The following ADGRV1 variants were observed in gnomAD, a reference collection of about 807,000 sequenced individuals.
ADGRV1 encodes adhesion G protein-coupled receptor V1.
ADGRV1 carries 359 observed loss-of-function variants against 596.2 expected under a neutral mutation model. The ratio of observed to expected loss-of-function variants is 0.60; its 90% CI spans 0.55 to 0.66. The LOEUF is 0.66. Ranked by LOEUF, ADGRV1 falls within the 30% of genes least tolerant of loss-of-function variation. The pLI, the probability that ADGRV1 is intolerant of heterozygous loss-of-function variation, is 0.00. For missense variants in ADGRV1, 7,274 were observed against 7,575.6 expected, an observed-to-expected ratio of 0.96 and a Z score of 1.48; for synonymous variants, 2,681 against 2,679.2, an observed-to-expected ratio of 1.00 and a Z score of -0.02.
chr5:91,046,973 C>G (rs186535806), intron 85 of ADGRV1, among the ~76,000 whole-genome samples: 4 of 152,156 alleles, frequency 2.6e-5, no homozygotes, highest in African/African-American at 9.7e-5. Flanking sequence ...GCAATACCAC[C>G]TTACTCCTAG....
chr5:90,885,722 G>A (rs1178564774), intron 83 of ADGRV1, among the ~76,000 whole-genome samples: 1 of 152,074 alleles, frequency 6.6e-6, no homozygotes, highest in Non-Finnish European at 1.5e-5. Context: ...CCAGGAGAGG[G>A]GTTGGAAACA....
intron 83 of ADGRV1, among the ~76,000 whole-genome samples, chr5:90,933,916 G>T (rs1038356412): frequency 6.6e-6 from 1 of 152,332 alleles, no homozygotes. Context: ...TTCTGTGGCT[G>T]CACGTAGGCC....
intron 21 of ADGRV1, among the ~76,000 whole-genome samples, chr5:90,668,617 G>C (rs577610811): frequency 6.6e-6 from 1 of 151,950 alleles, no homozygotes; most frequent in South Asian, 2.1e-4. Context: ...GTTCCTATTC[G>C]TCCATCTTGG....
At chr5:90,915,809 C>G (rs1250694280) in intron 83 of ADGRV1, among the ~76,000 whole-genome samples, 1 of 152,166 alleles carries the variant, frequency 6.6e-6, no homozygotes, top group East Asian at 1.9e-4. Flanking sequence ...TTGATTTTAA[C>G]TGTAAAAATG....
intron 89 of ADGRV1, 89 bp from the exon 90 acceptor site, chr5:91,163,693 A>T: frequency 1.8e-6 from 1 of 567,770 alleles, no homozygotes; most frequent in South Asian, 2.8e-5. Context: ...TAATAGAAAT[A>T]AACAGGCTTG....
intron 88 of ADGRV1, among the ~76,000 whole-genome samples, chr5:91,151,934 G>A (rs919950278): frequency 5.3e-5 from 8 of 152,236 alleles, no homozygotes; most frequent in Admixed American, 3.3e-4. Flanking sequence ...TTCTCAGATC[G>A]CCATTTTCAG....
Position 90,783,119 on chromosome 5 carries a change from T to A in ADGRV1, c.13232-5T>A. 1 of 1,612,056 alleles carries A rather than the reference T, an allele frequency of 6.2e-7. No homozygotes were observed. The highest frequency in any genetic ancestry group is 8.5e-7 in the Non-Finnish European group (1 of 1,178,246). On this transcript the variant is annotated splice_polypyrimidine_tract_variant and splice_region_variant and intron_variant, in intron 65 of 89. Coordinates refer to ENST00000405460, the MANE Select transcript of ADGRV1 (RefSeq NM_032119.4). ...TTACCAATTAATTCCAAGTTCCCAT[T>A]ACAGTGGAGGAAGATGTTGGGCTGA...
chr5:90,887,866 A>G lies in ADGRV1; in HGVS notation c.17856+24009A>G, dbSNP rs145386091. ...GCTTCCTTTAGCTGTATAATTCACA[A>G]TAGCATTTTTGTACCACAGTTTTTT... is the stretch of plus-strand genomic sequence containing the variant. On this transcript the variant is annotated intron_variant, in intron 83 of 89. Coordinates refer to ENST00000405460, the MANE Select transcript of ADGRV1 (RefSeq NM_032119.4). 6.2e-4 allele frequency among the ~76,000 whole-genome samples: 94 copies of G among 152,246 alleles called. No individual in the cohort carries two copies. In the East Asian group the frequency reaches 7.7e-3, roughly 13 times the overall value.
intron 87 of ADGRV1, among the ~76,000 whole-genome samples, chr5:91,129,068 G>A (rs1247645267): frequency 5.9e-5 from 9 of 152,180 alleles, no homozygotes; most frequent in Admixed American, 5.2e-4. Context: ...GGTGTTTTAA[G>A]ATCAAAATGA....
At chr5:90,643,432 T>C (rs1249025025) in intron 13 of ADGRV1, among the ~76,000 whole-genome samples, 10 of 152,200 alleles carry the variant, frequency 6.6e-5, no homozygotes, top group African/African-American at 1.2e-4. Flanking sequence ...TTGAGTTTTA[T>C]ATTAATGGAA....
intron 85 of ADGRV1, among the ~76,000 whole-genome samples, chr5:91,059,608 C>T (rs1292926227): frequency 6.6e-6 from 1 of 152,182 alleles, no homozygotes; most frequent in Non-Finnish European, 1.5e-5. Context: ...TATGTATGAT[C>T]TAATTCTTAC....
chr5:90,805,073 A>G (rs1200141494), intron 71 of ADGRV1: 7 of 370,160 alleles, frequency 1.9e-5, no homozygotes, highest in African/African-American at 1.2e-4. Context: ...TTTTGATTAA[A>G]AAAAGAAAAA....
chr5:91,025,519 A>AT (rs935154409), intron 85 of ADGRV1, among the ~76,000 whole-genome samples: 12 of 152,278 alleles, frequency 7.9e-5, no homozygotes, highest in East Asian at 3.9e-4. Flanking sequence ...AGAAAAGATC[A>AT]TTTTTTCTGT....
intron 83 of ADGRV1, among the ~76,000 whole-genome samples, chr5:90,953,620 T>A (rs991278592): frequency 1.3e-5 from 2 of 152,110 alleles, no homozygotes; most frequent in Non-Finnish European, 2.9e-5. Flanking sequence ...TCTTGATATT[T>A]CTTCTCTAAC....
chr5:90,563,840 T>G (rs2151942211), intron 1 of ADGRV1, among the ~76,000 whole-genome samples: 1 of 152,230 alleles, frequency 6.6e-6, no homozygotes, highest in East Asian at 1.9e-4. Context: ...TAGTCGTGAA[T>G]TTTGACAATT....
At chr5:90,935,991 A>G (rs1775654700) in intron 83 of ADGRV1, among the ~76,000 whole-genome samples, 1 of 152,194 alleles carries the variant, frequency 6.6e-6, no homozygotes, top group Non-Finnish European at 1.5e-5. Flanking sequence ...CCCCATCTCT[A>G]AACAAAACAA....
At chr5:90,791,455 C>A in intron 70 of ADGRV1, 109 bp downstream of exon 70, 1 of 816,280 alleles carries the variant, frequency 1.2e-6, no homozygotes, top group Non-Finnish European at 1.9e-6. Flanking sequence ...TTAAATGGAA[C>A]CACAAAAAAA....
At chr5:90,618,267 T>C (rs542113824) in intron 3 of ADGRV1, among the ~76,000 whole-genome samples, 2 of 152,262 alleles carry the variant, frequency 1.3e-5, no homozygotes, top group South Asian at 4.1e-4. Context: ...CTACCAAATG[T>C]ACAAAGAATG....
At chr5:90,739,070 C>A (rs897454513) in intron 50 of ADGRV1, among the ~76,000 whole-genome samples, 4 of 151,782 alleles carry the variant, frequency 2.6e-5, no homozygotes, top group Non-Finnish European at 5.9e-5. Context: ...TCTGCTTGAT[C>A]AAGTCTGCTG....
Sources: gnomAD v4.1 joint callset for allele counts (sites outside exome capture counted in the v4.1 genomes callset) on GRCh38, gnomAD v4.1.1 for gene constraint, MANE v1.5 for transcripts, NCBI Gene and HGNC (gene_info 2026-07-23, HGNC 2026-07-21) for gene names.